The following MED16 variants were observed in gnomAD, a reference collection of about 807,000 sequenced individuals.
MED16 encodes the protein mediator of RNA polymerase II transcription subunit 16.
A neutral mutation model predicts 84.4 loss-of-function variants in MED16; 81 were observed. The observed-to-expected ratio is 0.96, with a 90% CI of 0.80 to 1.15. MED16 has a LOEUF of 1.15. Among genes scored for constraint, MED16 ranks in the 50% most tolerant of loss-of-function variants. MED16 has a pLI of 0.00. For synonymous variants in MED16, 897 were observed against 552.2 expected (o/e 1.62, Z -8.76); for missense variants, 1,585 against 1,245.9 (o/e 1.27, Z -4.10).
At position 872,269 on chromosome 19, in the gene MED16, G is replaced by A. The variant is rs1414353144; in HGVS notation, c.1906-151C>T. 6.8e-5 allele frequency: 43 copies of A among 635,402 alleles called. No homozygotes were observed. The East Asian group carries it at 1.1e-3, about 16-fold the overall frequency. The allele number at this position is 635,402 out of a possible 1,614,324, so 39.4% of individuals were successfully genotyped here. ...TCAGGACTGGGGTGCTTCTGGCACC[G>A]AGTGGGTGGATGCCGGGGACGCTGC... On this transcript the variant is annotated intron_variant, in intron 11 of 15. Transcript: ENST00000325464.
intron 13 of MED16, among the ~76,000 whole-genome samples, chr19:869,200 C>CA (rs2035988976): frequency 6.6e-6 from 1 of 151,976 alleles, no homozygotes; most frequent in South Asian, 2.1e-4. Context: ...CTTAGAGACC[C>CA]AGTAAAGGGG....
intron 1 of MED16, 198 bp downstream of exon 1, chr19:892,888 C>CCCCGA (rs2036668996): frequency 2.9e-3 from 33 of 11,508 alleles, no homozygotes; most frequent in African/African-American, 7.8e-3. Flanking sequence ...CCGAGCCCCG[C>CCCCGA]GCCCCGCGCC....
Position 880,442 on chromosome 19 carries a change from G to T in MED16, c.1142-294C>A, listed in dbSNP as rs561864087. Among the ~76,000 whole-genome samples the T allele has an allele frequency of 4.7e-4, 72 of 152,334 alleles. 2 individuals are homozygous for T. The highest frequency in any genetic ancestry group is 1.5e-3 in the African/African-American group (61 of 41,592). ...CACGCCCCTCAAGGAGCGCAGGGGA[G>T]GGGGGCACTACAGGTGGGGGACCAA... On this transcript the variant is annotated intron_variant, in intron 7 of 15. Coordinates refer to ENST00000325464, the MANE Select transcript of MED16 (RefSeq NM_005481.3).
intron 6 of MED16, among the ~76,000 whole-genome samples, chr19:884,395 C>T (rs943506567): frequency 1.6e-4 from 24 of 151,596 alleles, no homozygotes; most frequent in Non-Finnish European, 2.7e-4. Context: ...GAATGGGGGC[C>T]CCAGAAGAGG....
At chr19:880,874 G>A (rs1317367121) in intron 7 of MED16, among the ~76,000 whole-genome samples, 3 of 149,000 alleles carry the variant, frequency 2.0e-5, no homozygotes, top group African/African-American at 7.4e-5. Context: ...GCAGTGAGCC[G>A]AGATCACACC....
intron 1 of MED16, among the ~76,000 whole-genome samples, chr19:891,537 G>T (rs971505723): frequency 6.6e-6 from 1 of 152,234 alleles, no homozygotes; most frequent in Non-Finnish European, 1.5e-5. Flanking sequence ...TCTCCCGAAG[G>T]AAGAGCCCGC....
chr19:877,301 T>C, intron 8 of MED16, 121 bp from the exon 9 acceptor site: 2 of 848,096 alleles, frequency 2.4e-6, no homozygotes, highest in South Asian at 3.3e-5. Flanking sequence ...CGCCCGTGTG[T>C]GGGCCTGTGT....
Position 873,561 on chromosome 19 carries a change from T to G in MED16, c.1793A>C (p.Asn598Thr). ...TDVDIDKVMI[N>T]LKTEEFVLDM... ...CAGCACAAATTCCTCCGTCTTGAGG[T>G]TGATCATGACCTTGTCAATGTCTAC... The change falls in exon 11 of 16, where the codon AAC becomes ACC. Residue 598 changes from asparagine (N) to threonine (T), a missense_variant. Physicochemically the swap from Asn to Thr is moderately conservative, Grantham distance 65 (BLOSUM62 0). Transcript: ENST00000325464. 1 of 1,612,314 alleles carries G rather than the reference T, an allele frequency of 6.2e-7. No individual in the cohort carries two copies. Among genetic ancestry groups the G allele is most frequent in the Non-Finnish European group, 8.5e-7 (1 of 1,179,678 alleles).
In MED16 at chr19:879,994, C is replaced by T; in HGVS notation, c.1296G>A (p.Lys432=). Residue 432 remains lysine, a synonymous_variant, in exon 8 of 16, where the codon AAG becomes AAA. Coordinates refer to ENST00000325464, the MANE Select transcript of MED16 (RefSeq NM_005481.3). ...PRTAGPAVHL[K]AMQLSWTSLA... is the part of the protein sequence containing the mutation. ...GTGACGTCCACGATAGCTGCATAGCCTTTAAGTGGACGGCGGGGCCCGCGG... is the reference window on the plus strand; with the variant it reads ...GTGACGTCCACGATAGCTGCATAGCTTTTAAGTGGACGGCGGGGCCCGCGG... 1 of 1,610,106 alleles carries T rather than the reference C, an allele frequency of 6.2e-7. No homozygotes were observed. The highest frequency in any genetic ancestry group is 8.5e-7 in the Non-Finnish European group (1 of 1,178,744).
intron 4 of MED16, among the ~76,000 whole-genome samples, chr19:889,151 TC>T (rs376971044): frequency 0.011 from 889 of 84,638 alleles, 40 homozygotes; most frequent in African/African-American, 0.044. Context: ...CTCTTAACTG[TC>T]CCCCCCAACC....
Position 890,251 on chromosome 19 carries a change from G to A in MED16, c.170-7C>T, listed in dbSNP as rs1467877928. The A allele has an allele frequency of 1.3e-6, 2 of 1,528,804 alleles. No homozygotes were observed. The allele number at this position is 1,528,804 out of a possible 1,614,324, so 94.7% of individuals were successfully genotyped here. On this transcript the variant is annotated splice_region_variant and splice_polypyrimidine_tract_variant and intron_variant, in intron 2 of 15. Coordinates refer to ENST00000325464, the MANE Select transcript of MED16 (RefSeq NM_005481.3). Reference sequence around the variant, plus strand: ...TGGATCATGCGGGTCAGGTCTGTGGGGACGGGGCATGGTCAGCACGGCCTG... The same window carrying A: ...TGGATCATGCGGGTCAGGTCTGTGGAGACGGGGCATGGTCAGCACGGCCTG...
At chr19:883,998 C>G (rs1015114446) in intron 6 of MED16, among the ~76,000 whole-genome samples, 8 of 152,134 alleles carry the variant, frequency 5.3e-5, no homozygotes, top group Non-Finnish European at 1.2e-4. Context: ...GCCTCTGCGG[C>G]CACAATGGGC....
At chr19:876,780 C>T (rs1281387997) in intron 9 of MED16, among the ~76,000 whole-genome samples, 194 bp downstream of exon 9, 2 of 152,124 alleles carry the variant, frequency 1.3e-5, no homozygotes, top group African/African-American at 4.8e-5. Context: ...CCTCCACCCT[C>T]CAAGGGAACT....
intron 14 of MED16, among the ~76,000 whole-genome samples, 167 bp from the exon 15 acceptor site, chr19:868,666 G>A (rs2035974414): frequency 6.6e-6 from 1 of 151,950 alleles, no homozygotes; most frequent in Non-Finnish European, 1.5e-5. Context: ...CCTCCCCCCA[G>A]CAATGCTGCT....
chr19:881,473 T>G (rs2036421601), intron 7 of MED16, 86 bp downstream of exon 7: 3 of 1,473,392 alleles, frequency 2.0e-6, no homozygotes, highest in Non-Finnish European at 2.7e-6. Context: ...TGGTGTGAGC[T>G]CCCACGACCC....
rs770659062 is a variant in MED16 at position 885,934 on chromosome 19, C to T, written c.715G>A (p.Val239Met). Reference protein sequence around the residue: ...ATADGSSASPVQFYKVCVSVV... With the variant: ...ATADGSSASPMQFYKVCVSVV... The stretch of plus-strand genomic sequence containing the variant: ...CTCACGCACACCTTGTAGAACTGCA[C>T]GGGCGACGCGCTGCTGCCGTCCGCC... The change falls in exon 5 of 16, where the codon GTG becomes ATG. Residue 239 changes from valine (V) to methionine (M), a missense_variant. Transcript: ENST00000325464. 25 of 1,612,928 alleles carry T rather than the reference C, an allele frequency of 1.5e-5. No homozygotes were observed. Among genetic ancestry groups the T allele is most frequent in the South Asian group, 4.4e-5 (4 of 91,088 alleles).
At chr19:880,984 G>A (rs1447561500) in intron 7 of MED16, among the ~76,000 whole-genome samples, 1 of 152,058 alleles carries the variant, frequency 6.6e-6, no homozygotes, top group African/African-American at 2.4e-5. Flanking sequence ...CAAGGGTTTT[G>A]GAGCAGGGAA....
intron 3 of MED16, 63 bp downstream of exon 3, chr19:890,074 A>G: frequency 7.7e-7 from 1 of 1,299,988 alleles, no homozygotes; most frequent in Admixed American, 2.1e-5. Context: ...CCGGAGAAAC[A>G]CAGGGCCCCC....
intron 1 of MED16, chr19:892,737 AC>A (rs1215942242): frequency 6.7e-6 from 1 of 148,766 alleles, no homozygotes; most frequent in Non-Finnish European, 1.5e-5. Flanking sequence ...CACCCCGGCG[AC>A]CCCAAACCCA....
Sources: allele counts gnomAD v4.1 joint callset (sites outside exome capture counted in the v4.1 genomes callset), GRCh38; gene constraint gnomAD v4.1.1; transcripts MANE v1.5; gene names NCBI Gene and HGNC (gene_info 2026-07-23, HGNC 2026-07-21).